Variants in LPP observed in about 807,000 individuals in gnomAD.
LPP encodes the protein lipoma-preferred partner.
A neutral mutation model predicts 60.4 loss-of-function variants in LPP; 38 were observed. That is an observed-to-expected ratio of 0.63 (90% CI 0.49 to 0.83). The LOEUF is 0.83. LPP is among the 40% of genes least tolerant of loss of function. The probability of loss-of-function intolerance (pLI) is 0.00; values close to 1 mark genes in which losing one functional copy is unlikely to be tolerated. For synonymous variants in LPP, 328 were observed against 290.8 expected (o/e 1.13, Z -1.30); for missense variants, 902 against 783.6 (o/e 1.15, Z -1.80).
At chr3:188,488,245 C>A (rs1353736102) in intron 5 of LPP, among the ~76,000 whole-genome samples, 1 of 152,094 alleles carries the variant, frequency 6.6e-6, no homozygotes, top group African/African-American at 2.4e-5. Flanking sequence ...TTGGAAGGAG[C>A]AGGTGATGCC....
intron 3 of LPP, among the ~76,000 whole-genome samples, chr3:188,384,888 C>G (rs1427289140): frequency 6.6e-6 from 1 of 151,294 alleles, no homozygotes; most frequent in African/African-American, 2.4e-5. Context: ...AGAGGCATGC[C>G]CTATGTAGTA....
At chr3:188,798,769 G>T (rs887927865) in intron 9 of LPP, among the ~76,000 whole-genome samples, 2 of 114,696 alleles carry the variant, frequency 1.7e-5, no homozygotes, top group Admixed American at 9.6e-5. Flanking sequence ...GGAAGCCCAC[G>T]CTGGGAAGAT....
rs73192630 is a variant in LPP, at chr3:188,346,864, T to C, written c.-10+5145T>C. ...GGATTTTCCCCGTAGTCACCTATTG[T>C]TATACTCTGAGTGTTAGGCTCGTTT... On this transcript the variant is annotated intron_variant, in intron 3 of 11. Coordinates refer to ENST00000617246, the MANE Select transcript of LPP (RefSeq NM_001375462.1). Among the ~76,000 whole-genome samples the C allele has an allele frequency of 7.2e-3, 1,096 of 152,318 alleles. 6 individuals carry two copies. The highest frequency in any genetic ancestry group is 0.012 in the Non-Finnish European group (816 of 68,034).
intron 9 of LPP, among the ~76,000 whole-genome samples, chr3:188,851,448 T>C (rs985560125): frequency 6.6e-6 from 1 of 152,212 alleles, no homozygotes; most frequent in Non-Finnish European, 1.5e-5. Flanking sequence ...AATCAAGAGC[T>C]TGCAAAATTT....
Position 188,866,196 on chromosome 3 carries a change from C to A in LPP, c.1411-4C>A. The A allele has an allele frequency of 6.8e-7, 1 of 1,460,110 alleles. No individual in the cohort carries two copies. The highest frequency in any genetic ancestry group is 9.1e-7 in the Non-Finnish European group (1 of 1,096,130). 90.4% of individuals were successfully genotyped at this position (1,460,110 alleles called of 1,614,324 possible). On this transcript the variant is annotated splice_region_variant and splice_polypyrimidine_tract_variant and intron_variant, in intron 9 of 11. Coordinates refer to ENST00000617246, the MANE Select transcript of LPP (RefSeq NM_001375462.1). ...TCTGACGTGGTTTCTGTTTCCTTCC[C>A]CAGAATACTCTGGAGCAGTGCAATG...
At chr3:188,723,454 C>T (rs1276888773) in intron 8 of LPP, among the ~76,000 whole-genome samples, 1 of 152,074 alleles carries the variant, frequency 6.6e-6, no homozygotes, top group African/African-American at 2.4e-5. Flanking sequence ...CAGAAATGTA[C>T]CTGTGATCTC....
At chr3:188,553,789 T>TG (rs1213843942) in intron 6 of LPP, 5 of 152,206 alleles carry the variant, frequency 3.3e-5, no homozygotes, top group African/African-American at 1.2e-4. Flanking sequence ...GGATGTTGGC[T>TG]GGTAACACCA....
chr3:188,604,026 G>A (rs1231854863), intron 6 of LPP, among the ~76,000 whole-genome samples: 1 of 152,100 alleles, frequency 6.6e-6, no homozygotes, highest in African/African-American at 2.4e-5. Context: ...CTGTTTAAAC[G>A]TTGACCTTTT....
chr3:188,298,139 C>A (rs375059293), intron 2 of LPP, among the ~76,000 whole-genome samples: 80 of 152,296 alleles, frequency 5.3e-4, no homozygotes, highest in African/African-American at 1.9e-3. Context: ...TCTCTCCAAA[C>A]CCAAATCCTG....
chr3:188,448,383 T>A (rs13064688), intron 4 of LPP, among the ~76,000 whole-genome samples: 139 of 1,872 alleles, frequency 0.074, no homozygotes, highest in Middle Eastern at 0.5. Context: ...TATCTATCTA[T>A]ATTGAGATAT....
intron 2 of LPP, among the ~76,000 whole-genome samples, chr3:188,286,374 T>G (rs1743917342): frequency 6.6e-6 from 1 of 152,088 alleles, no homozygotes; most frequent in Admixed American, 6.6e-5. Context: ...TGCTGTGGTG[T>G]GTTTGGCAGC....
chr3:188,502,440 G>C (rs1319868709), intron 5 of LPP, among the ~76,000 whole-genome samples: 1 of 151,806 alleles, frequency 6.6e-6, no homozygotes, highest in Non-Finnish European at 1.5e-5. Flanking sequence ...TGCTTTTTGT[G>C]GGTTACTATT....
intron 6 of LPP, among the ~76,000 whole-genome samples, chr3:188,542,338 C>T (rs545447731): frequency 1.2e-4 from 18 of 152,324 alleles, no homozygotes; most frequent in Middle Eastern, 3.4e-3. Context: ...AGTTGTCACA[C>T]ACAATATCTT....
chr3:188,533,413 C>T (rs1330959748), intron 6 of LPP, among the ~76,000 whole-genome samples: 2 of 152,066 alleles, frequency 1.3e-5, no homozygotes, highest in African/African-American at 2.4e-5. Context: ...CTGCTTGGGA[C>T]TTGAGATAGG....
rs573277131 is a variant in LPP at position 188,872,830 on chromosome 3, A to G, written c.1710+67A>G. On this transcript the variant is annotated intron_variant, in intron 11 of 11. Transcript: ENST00000617246. ...TGAAAGGCTCGTTCGAGCTAGGTTT[A>G]CATAGATGTAGCAATTACTAAATCT... 7 of 1,599,716 alleles carry G rather than the reference A, an allele frequency of 4.4e-6. No individual in the cohort carries two copies. In the East Asian group the frequency reaches 1.1e-4, roughly 26 times the overall value.
chr3:188,324,897 G>T (rs1757970849), intron 2 of LPP, among the ~76,000 whole-genome samples: 1 of 152,134 alleles, frequency 6.6e-6, no homozygotes, highest in Non-Finnish European at 1.5e-5. Context: ...TAGAAATCAA[G>T]GAGCATCTGT....
chr3:188,235,983 GT>G (rs1721763778), intron 2 of LPP, among the ~76,000 whole-genome samples: 1 of 151,756 alleles, frequency 6.6e-6, no homozygotes, highest in Admixed American at 6.6e-5. Context: ...TAGTATAATA[GT>G]TTGCAAATAG....
intron 7 of LPP, among the ~76,000 whole-genome samples, chr3:188,637,355 T>C (rs914984056): frequency 5.3e-5 from 8 of 152,086 alleles, no homozygotes; most frequent in African/African-American, 1.7e-4. Context: ...CTGGGACGCA[T>C]TCAAAACAGT....
chr3:188,480,530 T>C (rs1358000769), intron 4 of LPP, among the ~76,000 whole-genome samples: 1 of 152,214 alleles, frequency 6.6e-6, no homozygotes, highest in Admixed American at 6.5e-5. Context: ...TGGAGGAGTA[T>C]GGAGGGACCA....
Sources: allele counts gnomAD v4.1 joint callset (sites outside exome capture counted in the v4.1 genomes callset), GRCh38; gene constraint gnomAD v4.1.1; transcripts MANE v1.5; gene names NCBI Gene and HGNC (gene_info 2026-07-23, HGNC 2026-07-21).